The following CNOT6 variants were observed in gnomAD, a reference collection of about 807,000 sequenced individuals.
CNOT6 encodes the protein CCR4-NOT transcription complex subunit 6, also known as carbon catabolite repression 4 protein.
In CNOT6, 12 loss-of-function variants were observed where a neutral mutation model predicts 61.2. The observed-to-expected ratio is 0.20, with a 90% CI of 0.13 to 0.32. CNOT6 has a LOEUF of 0.32. Among genes scored for constraint, CNOT6 ranks in the 10% least tolerant of loss-of-function variants. CNOT6 has a pLI of 1.00. For synonymous variants in CNOT6, 225 were observed against 240.6 expected (o/e 0.94, Z 0.60); for missense variants, 405 against 663.9 (o/e 0.61, Z 4.28).
chr5:180,551,877 T>TC lies in CNOT6; in HGVS notation c.300-1509_300-1508insC, dbSNP rs992523040. ...AGGACCTCCTTTTTCTTTTTCTTTT[T>TC]TTTTTTTTGGAGACGGAATTTTACT... On this transcript the variant is annotated intron_variant, in intron 3 of 11. Transcript: ENST00000261951. Among the ~76,000 whole-genome samples the TC allele has an allele frequency of 2.6e-4, 40 of 152,098 alleles. 1 individual carries two copies. Among genetic ancestry groups the TC allele is most frequent in the Admixed American group, 4.6e-4 (7 of 15,266 alleles).
chr5:180,552,646 A>C (rs78070271), intron 3 of CNOT6, among the ~76,000 whole-genome samples: 1 of 42,156 alleles, frequency 2.4e-5, no homozygotes, highest in Admixed American at 2.2e-4. Context: ...ACTCCGTCTC[A>C]AAAAAAAAAA....
At chr5:180,535,179 C>T (rs1758618400) in intron 2 of CNOT6, among the ~76,000 whole-genome samples, 1 of 152,274 alleles carries the variant, frequency 6.6e-6, no homozygotes, top group South Asian at 2.1e-4. Context: ...AGGAAGGGGG[C>T]GTCTGGGGCA....
intron 1 of CNOT6, among the ~76,000 whole-genome samples, 169 bp downstream of exon 1, chr5:180,494,932 A>G (rs997526544): frequency 1.3e-5 from 2 of 151,010 alleles, no homozygotes; most frequent in Admixed American, 1.3e-4. Flanking sequence ...ACGCGCCGCG[A>G]TCGCGCCCCG....
intron 2 of CNOT6, among the ~76,000 whole-genome samples, chr5:180,549,398 C>T (rs1249551877): frequency 6.6e-6 from 1 of 152,110 alleles, no homozygotes; most frequent in Non-Finnish European, 1.5e-5. Context: ...GCCTGTAACC[C>T]CAGCACTTTT....
chr5:180,504,290 T>C (rs1757027792), intron 1 of CNOT6, among the ~76,000 whole-genome samples: 1 of 152,240 alleles, frequency 6.6e-6, no homozygotes, highest in African/African-American at 2.4e-5. Flanking sequence ...AAAGGCTTCT[T>C]GATGCTTTGT....
At chr5:180,541,772 T>C (rs1037188218) in intron 2 of CNOT6, among the ~76,000 whole-genome samples, 1 of 150,770 alleles carries the variant, frequency 6.6e-6, no homozygotes, top group Admixed American at 6.7e-5. Context: ...TTTTTTTTTT[T>C]GGTATTTTTT....
intron 9 of CNOT6, 112 bp downstream of exon 9, chr5:180,568,115 AACTC>A: frequency 9.5e-7 from 1 of 1,050,976 alleles, no homozygotes; most frequent in Non-Finnish European, 1.3e-6. Flanking sequence ...CACCTGAAGA[AACTC>A]AGTGAGAAGT....
intron 4 of CNOT6, among the ~76,000 whole-genome samples, chr5:180,560,845 G>A (rs1378415249): frequency 6.6e-6 from 1 of 152,098 alleles, no homozygotes; most frequent in African/African-American, 2.4e-5. Context: ...AGCGTCCAAG[G>A]CTCTGATGAC....
At chr5:180,563,848 C>A (rs1407496729) in intron 4 of CNOT6, among the ~76,000 whole-genome samples, 1 of 152,132 alleles carries the variant, frequency 6.6e-6, no homozygotes, top group African/African-American at 2.4e-5. Flanking sequence ...ATTTGAGATT[C>A]TTGTAGGTAT....
chr5:180,572,259 G>T (rs567209308), intron 11 of CNOT6, among the ~76,000 whole-genome samples: 1 of 151,530 alleles, frequency 6.6e-6, no homozygotes, highest in Non-Finnish European at 1.5e-5. Context: ...GCGTGATCTC[G>T]GCTCACTGCA....
intron 1 of CNOT6, among the ~76,000 whole-genome samples, chr5:180,519,761 C>T (rs1409228112): frequency 2.6e-5 from 3 of 116,418 alleles, no homozygotes; most frequent in Non-Finnish European, 5.6e-5. Context: ...ATCAGTTAAT[C>T]GATTCTTTTT....
At chr5:180,527,467 T>G (rs138169385) in intron 1 of CNOT6, among the ~76,000 whole-genome samples, 82 of 152,362 alleles carry the variant, frequency 5.4e-4, no homozygotes, top group African/African-American at 1.7e-3. Flanking sequence ...AACATGATAG[T>G]TACTACATAA....
intron 11 of CNOT6, among the ~76,000 whole-genome samples, chr5:180,573,540 G>A (rs2127770106): frequency 6.8e-6 from 1 of 147,630 alleles, no homozygotes; most frequent in African/African-American, 2.5e-5. Flanking sequence ...AGGCAGAATG[G>A]TGGAGGGGGG....
chr5:180,516,897 T>C (rs1037441718), intron 1 of CNOT6, among the ~76,000 whole-genome samples: 4 of 152,336 alleles, frequency 2.6e-5, no homozygotes, highest in African/African-American at 9.6e-5. Context: ...CCAGTTCCTC[T>C]AGTTTTCAAA....
At position 180,575,901 on chromosome 5, in the gene CNOT6, T is replaced by C. The variant is rs1266161346; in HGVS notation, c.*1701T>C. 6.6e-6 allele frequency: 1 copy of C among 152,578 alleles called. No individual in the cohort carries two copies. The highest frequency in any genetic ancestry group is 1.5e-5 in the Non-Finnish European group (1 of 68,024). 9.5% of individuals were successfully genotyped at this position (152,578 alleles called of 1,614,324 possible). ...TGGAAATGATTCTTATGTTTTTTTT[T>C]TTTCTCCTTTTAGAAAATTCTCCAA... is the stretch of plus-strand genomic sequence containing the variant. On this transcript the variant is annotated 3_prime_UTR_variant, in exon 12 of 12. Transcript: ENST00000261951.
At chr5:180,532,265 G>A (rs1463211188) in intron 2 of CNOT6, among the ~76,000 whole-genome samples, 2 of 152,098 alleles carry the variant, frequency 1.3e-5, no homozygotes, top group African/African-American at 4.8e-5. Flanking sequence ...CTTATTAGCA[G>A]TTTTTGCATT....
intron 2 of CNOT6, among the ~76,000 whole-genome samples, chr5:180,531,104 G>A (rs1457061768): frequency 6.6e-6 from 1 of 151,524 alleles, no homozygotes; most frequent in African/African-American, 2.4e-5. Context: ...TGGGGTGGCG[G>A]CCGGGCAGAG....
rs1278199401 is a variant in CNOT6, at chr5:180,529,310, C to G, written c.34C>G (p.Arg12Gly). 1 of 1,613,110 alleles carries G rather than the reference C, an allele frequency of 6.2e-7. No individual in the cohort carries two copies. The highest frequency in any genetic ancestry group is 8.5e-7 in the Non-Finnish European group (1 of 1,179,456). ...PKEKYEPPDP[R>G]RMYTIMSSEE... ...AGAAAAATACGAGCCCCCTGACCCT[C>G]GGAGGATGTATACAATTATGTCTTC... Residue 12 changes from arginine (R) to glycine (G), a missense_variant, in exon 2 of 12, where the codon CGG becomes GGG. Coordinates refer to ENST00000261951, the MANE Select transcript of CNOT6 (RefSeq NM_001370472.1).
intron 2 of CNOT6, among the ~76,000 whole-genome samples, chr5:180,549,423 G>A (rs1364433419): frequency 2.0e-5 from 3 of 152,130 alleles, no homozygotes; most frequent in East Asian, 1.9e-4. Flanking sequence ...GCCAAGGCGG[G>A]CAGATCACAA....
Sources: allele counts gnomAD v4.1 joint callset (sites outside exome capture counted in the v4.1 genomes callset), GRCh38; gene constraint gnomAD v4.1.1; transcripts MANE v1.5; gene names NCBI Gene and HGNC (gene_info 2026-07-23, HGNC 2026-07-21).